The following USP24 variants were observed in gnomAD, a reference collection of about 807,000 sequenced individuals.
The protein encoded by USP24 is ubiquitin carboxyl-terminal hydrolase 24.
In USP24, 97 loss-of-function variants were observed where a neutral mutation model predicts 361.6. That is an observed-to-expected ratio of 0.27 (90% CI 0.23 to 0.32). The LOEUF is 0.32. USP24 is among the 10% of genes least tolerant of loss of function. USP24 has a pLI of 1.00. For missense variants in USP24, 2,353 were observed against 3,165.6 expected (o/e 0.74, Z 6.16); for synonymous variants, 1,098 against 1,124.6 (o/e 0.98, Z 0.47).
chr1:55,144,082 T>C, intron 21 of USP24, 45 bp downstream of exon 21: 1 of 1,449,016 alleles, frequency 6.9e-7, no homozygotes, highest in Non-Finnish European at 9.3e-7. Context: ...TATCAAGTTA[T>C]ACTAGATTAT....
At chr1:55,183,381 A>G (rs1644033401) in intron 1 of USP24, among the ~76,000 whole-genome samples, 1 of 152,232 alleles carries the variant, frequency 6.6e-6, no homozygotes, top group Non-Finnish European at 1.5e-5. Flanking sequence ...ATCTAAATAC[A>G]TACATAGAGA....
At chr1:55,134,743 G>C (rs915462074) in intron 28 of USP24, among the ~76,000 whole-genome samples, 11 of 152,202 alleles carry the variant, frequency 7.2e-5, no homozygotes, top group African/African-American at 2.7e-4. Flanking sequence ...GCACCACTGA[G>C]CTAATGACTG....
intron 8 of USP24, among the ~76,000 whole-genome samples, chr1:55,160,700 C>T (rs148621532): frequency 6.6e-6 from 1 of 152,286 alleles, no homozygotes; most frequent in Non-Finnish European, 1.5e-5. Flanking sequence ...TTAAGGTACA[C>T]TCTGTTTACA....
chr1:55,077,302 T>C lies in USP24; in HGVS notation c.7315-2A>G. On this transcript the variant is annotated splice_acceptor_variant, in intron 61 of 67. Coordinates refer to ENST00000294383, the MANE Select transcript of USP24 (RefSeq NM_015306.3). LOFTEE classifies it high-confidence loss of function. ...AGGTGGAGCCGTTTCTAGTTGGTTCTGAAATATTTTTTAAAAGCATAAAAA... is the reference window on the plus strand; with the variant it reads ...AGGTGGAGCCGTTTCTAGTTGGTTCCGAAATATTTTTTAAAAGCATAAAAA... The C allele has an allele frequency of 6.4e-7, 1 of 1,553,356 alleles. No homozygotes were observed.
rs1214698706 is a variant in USP24 at position 55,146,015 on chromosome 1, T to C, written c.2345A>G (p.Tyr782Cys). ...TTTCCTACCATTCATAGTGATTTCA[T>C]ATGACTCCAATTTAAGAATTTTCTC... ...FKEKILKLES[Y>C]EITMNGFNLF... The change falls in exon 20 of 68, where the codon TAT becomes TGT. Residue 782 changes from tyrosine (Y) to cysteine (C), a missense_variant. Tyr to Cys is a radical substitution (Grantham distance 194). Around this residue, in one of 8 missense-constraint regions of USP24, gnomAD observed 949 missense variants for 1,280.5 expected, o/e 0.74. Coordinates refer to ENST00000294383, the MANE Select transcript of USP24 (RefSeq NM_015306.3). 1 of 1,611,828 alleles carries C rather than the reference T, an allele frequency of 6.2e-7. No individual in the cohort carries two copies.
At chr1:55,072,933 A>T in intron 64 of USP24, 72 bp from the exon 65 acceptor site, 1 of 1,384,934 alleles carries the variant, frequency 7.2e-7, no homozygotes, top group Non-Finnish European at 9.9e-7. Flanking sequence ...TTTGAAACGT[A>T]AATGCTAGTT....
intron 45 of USP24, among the ~76,000 whole-genome samples, chr1:55,099,110 A>T (rs1645567278): frequency 6.6e-6 from 1 of 152,236 alleles, no homozygotes; most frequent in South Asian, 2.1e-4. Flanking sequence ...TGCTCTGCAC[A>T]GGGCCATCAG....
At chr1:55,098,414 T>C in intron 46 of USP24, 62 bp downstream of exon 46, 5 of 1,443,390 alleles carry the variant, frequency 3.5e-6, no homozygotes, top group East Asian at 4.7e-5. Flanking sequence ...ATTTACAACA[T>C]ACTAAACAAA....
chr1:55,151,612 T>G lies in USP24; in HGVS notation c.1860+2258A>C, dbSNP rs571543760. ...AGGTTTTTTTTTGGTTTAGTAATTT[T>G]TTTTGGATGAGTACATTTAAACTTT... On this transcript the variant is annotated intron_variant, in intron 16 of 67. Coordinates refer to ENST00000294383, the MANE Select transcript of USP24 (RefSeq NM_015306.3). Among the ~76,000 whole-genome samples the G allele has an allele frequency of 5.6e-4, 85 of 152,268 alleles. 1 individual carries two copies. Among genetic ancestry groups the G allele is most frequent in the African/African-American group, 2.0e-3 (82 of 41,546 alleles).
Position 55,068,702 on chromosome 1 carries a change from T to C in USP24, c.*343A>G, listed in dbSNP as rs760917521. 54 of 262,934 alleles carry C rather than the reference T, an allele frequency of 2.1e-4. No homozygotes were observed. The highest frequency in any genetic ancestry group is 3.3e-4 in the Non-Finnish European group (46 of 140,630). The allele number at this position is 262,934 out of a possible 1,614,324, so 16.3% of individuals were successfully genotyped here. ...CAAAGGAATTTCTTTTGTAGCATCGTAGAGAAAGCAACAGCTTTATGCTCA... is the reference window on the plus strand; with the variant it reads ...CAAAGGAATTTCTTTTGTAGCATCGCAGAGAAAGCAACAGCTTTATGCTCA... On this transcript the variant is annotated 3_prime_UTR_variant, in exon 68 of 68. Transcript: ENST00000294383.
At chr1:55,181,950 T>G (rs963405987) in intron 1 of USP24, among the ~76,000 whole-genome samples, 3 of 152,120 alleles carry the variant, frequency 2.0e-5, no homozygotes, top group Non-Finnish European at 2.9e-5. Flanking sequence ...ACATCAGAGA[T>G]CTCCCTGTTT....
rs372435114 is a variant in USP24, at chr1:55,128,751, C to T, written c.3635+726G>A. ...TTTTTTTTGAGACAGGATCTTGTTCCGTTGCCAGGGTGGAGTGCACTGGTG... is the reference window on the plus strand; with the variant it reads ...TTTTTTTTGAGACAGGATCTTGTTCTGTTGCCAGGGTGGAGTGCACTGGTG... On this transcript the variant is annotated intron_variant, in intron 32 of 67. Transcript: ENST00000294383. Among the ~76,000 whole-genome samples the T allele has an allele frequency of 9.7e-5, 14 of 144,492 alleles. No individual in the cohort carries two copies. The East Asian group carries it at 1.0e-3, about 10-fold the overall frequency. 94.8% of individuals were successfully genotyped at this position (144,492 alleles called of 152,430 possible). A position where few individuals can be genotyped will look rare whatever the true frequency, so the allele number is the denominator to read the frequency against.
chr1:55,165,955 G>T lies in USP24; in HGVS notation c.862-5C>A. On this transcript the variant is annotated splice_region_variant and splice_polypyrimidine_tract_variant and intron_variant, in intron 6 of 67. Coordinates refer to ENST00000294383, the MANE Select transcript of USP24 (RefSeq NM_015306.3). Reference sequence around the variant, plus strand: ...AAATCCACCTAATTCTCCAAACTGAGAAGAAAAAAGGCACACATTAAGTTA... The same window carrying T: ...AAATCCACCTAATTCTCCAAACTGATAAGAAAAAAGGCACACATTAAGTTA... 1 of 1,600,494 alleles carries T rather than the reference G, an allele frequency of 6.2e-7. No individual in the cohort carries two copies. The highest frequency in any genetic ancestry group is 8.5e-7 in the Non-Finnish European group (1 of 1,173,408).
intron 21 of USP24, 51 bp from the exon 22 acceptor site, chr1:55,143,170 T>C: frequency 7.5e-7 from 1 of 1,337,842 alleles, no homozygotes; most frequent in Non-Finnish European, 9.9e-7. Context: ...GATCACAAAG[T>C]TACAAAATCA....
chr1:55,151,459 A>G (rs1647189044), intron 16 of USP24, among the ~76,000 whole-genome samples: 1 of 152,190 alleles, frequency 6.6e-6, no homozygotes, highest in African/African-American at 2.4e-5. Context: ...TGGTGTCCTC[A>G]TAGGGTGAAG....
At chr1:55,101,430 CACA>C (rs907680735) in intron 43 of USP24, among the ~76,000 whole-genome samples, 151 bp downstream of exon 43, 1 of 151,152 alleles carries the variant, frequency 6.6e-6, no homozygotes, top group Admixed American at 6.6e-5. Flanking sequence ...TGTGATTATA[CACA>C]ACATGTCTTT....
At chr1:55,072,515 C>A (rs1166548860) in intron 65 of USP24, 112 bp from the exon 66 acceptor site, 2 of 868,428 alleles carry the variant, frequency 2.3e-6, no homozygotes, top group South Asian at 1.8e-5. Context: ...GGGTACAAGT[C>A]TACCCAGACC....
chr1:55,120,568 G>C, intron 38 of USP24, 28 bp downstream of exon 38: 1 of 1,531,588 alleles, frequency 6.5e-7, no homozygotes, highest in Non-Finnish European at 8.8e-7. Flanking sequence ...CTCTGTATAA[G>C]GTTAGCTTTT....
chr1:55,109,349 A>G (rs1043501401), intron 39 of USP24, among the ~76,000 whole-genome samples: 1 of 152,222 alleles, frequency 6.6e-6, no homozygotes, highest in Non-Finnish European at 1.5e-5. Context: ...GTTGAGGATT[A>G]TTAGTCACTG....
Sources: gnomAD v4.1 joint callset for allele counts (sites outside exome capture counted in the v4.1 genomes callset) on GRCh38, gnomAD v4.1.1 for gene constraint, gnomAD v4.1.1 regional missense constraint, MANE v1.5 for transcripts, NCBI Gene and HGNC (gene_info 2026-07-23, HGNC 2026-07-21) for gene names.